SSH2: variants seen among roughly 807,000 people sequenced by gnomAD.
SSH2 encodes slingshot protein phosphatase 2.
In SSH2, 37 loss-of-function variants were observed where a neutral mutation model predicts 135.2. That is an observed-to-expected ratio of 0.27 (90% CI 0.21 to 0.36). The LOEUF is 0.36. Ranked by LOEUF, SSH2 falls within the 10% of genes least tolerant of loss-of-function variation. SSH2 has a pLI of 1.00. For missense variants in SSH2, 1,408 were observed against 1,765.3 expected, an observed-to-expected ratio of 0.80 and a Z score of 3.63; for synonymous variants, 628 against 646.2, an observed-to-expected ratio of 0.97 and a Z score of 0.43.
chr17:29,746,557 A>G (rs1015323402), intron 3 of SSH2, among the ~76,000 whole-genome samples: 2 of 144,900 alleles, frequency 1.4e-5, no homozygotes, highest in African/African-American at 4.9e-5. Context: ...CAAAAAAAAA[A>G]AAAAAAAAAA....
At chr17:29,842,139 G>GATGGGGT (rs112916281) in intron 2 of SSH2, among the ~76,000 whole-genome samples, 4 of 150,862 alleles carry the variant, frequency 2.7e-5, no homozygotes, top group Non-Finnish European at 4.4e-5. Flanking sequence ...TTTAACTGGA[G>GATGGGGT]GAGACCCTGT....
chr17:29,917,780 A>G (rs2066909330), intron 1 of SSH2, among the ~76,000 whole-genome samples: 1 of 151,914 alleles, frequency 6.6e-6, no homozygotes, highest in Non-Finnish European at 1.5e-5. Context: ...ACTTGAACTC[A>G]GGAAGCGGAG....
intron 3 of SSH2, among the ~76,000 whole-genome samples, chr17:29,750,427 A>G (rs993218590): frequency 6.8e-6 from 1 of 147,778 alleles, no homozygotes; most frequent in African/African-American, 2.5e-5. Context: ...CAACTGAGTG[A>G]GACTCTGTCT....
rs139762233 is a variant in SSH2, at chr17:29,667,299, G to A, written c.810-76C>T. ...TTATTCTTAAATGGGAAAGAAAGAA[G>A]AATGATCCTGTCTTCTTCAATAAGG... On this transcript the variant is annotated intron_variant, in intron 9 of 15. Coordinates refer to ENST00000540801, the MANE Select transcript of SSH2 (RefSeq NM_001282129.2). 1.4e-4 allele frequency: 151 copies of A among 1,105,878 alleles called. 1 individual carries two copies. In the East Asian group the frequency reaches 3.6e-3, roughly 26 times the overall value. 68.5% of individuals were successfully genotyped at this position (1,105,878 alleles called of 1,614,324 possible). A position where few individuals can be genotyped will look rare whatever the true frequency, so the allele number is the denominator to read the frequency against.
At chr17:29,670,182 C>T (rs1268304261) in intron 9 of SSH2, among the ~76,000 whole-genome samples, 1 of 152,066 alleles carries the variant, frequency 6.6e-6, no homozygotes, top group Non-Finnish European at 1.5e-5. Flanking sequence ...ACCCACCACG[C>T]CCGACTGTCT....
rs183809911 is a variant in SSH2 at position 29,800,127 on chromosome 17, C to T, written c.145-6190G>A. ...GAACAGTGTTTTTAACACAAGATCC[C>T]CAAATAATTTTTTCTTTCTTTATGT... On this transcript the variant is annotated intron_variant, in intron 2 of 15. Transcript: ENST00000540801. Among the ~76,000 whole-genome samples, 208 of 152,120 alleles carry T rather than the reference C, an allele frequency of 1.4e-3. 1 individual carries two copies. The highest frequency in any genetic ancestry group is 2.6e-3 in the Admixed American group (39 of 15,278).
chr17:29,742,492 T>TTG (rs2040597241), intron 3 of SSH2, among the ~76,000 whole-genome samples: 1 of 146,718 alleles, frequency 6.8e-6, no homozygotes, highest in African/African-American at 2.5e-5. Flanking sequence ...TTTTTTTTTT[T>TTG]TTTTTTTTCT....
chr17:29,725,347 CAAAAAAAAAA>C (rs11449000), intron 3 of SSH2, among the ~76,000 whole-genome samples: 1 of 52,786 alleles, frequency 1.9e-5, no homozygotes, highest in Non-Finnish European at 3.1e-5. Flanking sequence ...AATCAGTCTC[CAAAAAAAAAA>C]AAAAAAAAAA....
At chr17:29,757,364 T>A (rs1183588699) in intron 3 of SSH2, among the ~76,000 whole-genome samples, 1 of 152,310 alleles carries the variant, frequency 6.6e-6, no homozygotes, top group Non-Finnish European at 1.5e-5. Flanking sequence ...CTGAAGCCAA[T>A]CCATAGACCT....
chr17:29,753,952 A>G (rs1453358361), intron 3 of SSH2, among the ~76,000 whole-genome samples: 1 of 152,226 alleles, frequency 6.6e-6, no homozygotes, highest in Non-Finnish European at 1.5e-5. Flanking sequence ...AGATGTGTGT[A>G]TCAGGATTGT....
intron 2 of SSH2, among the ~76,000 whole-genome samples, chr17:29,808,727 AG>A (rs1332845429): frequency 4.6e-5 from 7 of 152,268 alleles, no homozygotes; most frequent in South Asian, 2.1e-4. Flanking sequence ...AGGTAAGGTG[AG>A]GCCACTAGAC....
intron 3 of SSH2, among the ~76,000 whole-genome samples, chr17:29,752,840 G>GA (rs36083993): frequency 0.14 from 19,659 of 141,282 alleles, 3,440 homozygotes; most frequent in African/African-American, 0.41. Context: ...TCAAATCACA[G>GA]AAAAAAAAAA....
chr17:29,857,820 T>A (rs544803196), intron 1 of SSH2, among the ~76,000 whole-genome samples: 1 of 152,332 alleles, frequency 6.6e-6, no homozygotes. Context: ...ATATTCACAC[T>A]GTTGTATAGT....
chr17:29,848,353 T>C (rs954613836), intron 2 of SSH2, among the ~76,000 whole-genome samples: 3 of 152,258 alleles, frequency 2.0e-5, no homozygotes, highest in Non-Finnish European at 4.4e-5. Flanking sequence ...ACATTTAAGA[T>C]GATCAGGTCG....
At chr17:29,765,711 C>T (rs192591200) in intron 3 of SSH2, among the ~76,000 whole-genome samples, 3 of 152,112 alleles carry the variant, frequency 2.0e-5, no homozygotes, top group South Asian at 2.1e-4. Flanking sequence ...GTTTACCTCA[C>T]GGGCTGATTA....
chr17:29,648,617 A>G (rs2036472394), intron 13 of SSH2, among the ~76,000 whole-genome samples: 1 of 152,216 alleles, frequency 6.6e-6, no homozygotes, highest in East Asian at 1.9e-4. Flanking sequence ...GTGTAAGGCA[A>G]TGTGCAAAGT....
At chr17:29,779,164 C>T (rs2041782347) in intron 3 of SSH2, among the ~76,000 whole-genome samples, 1 of 151,970 alleles carries the variant, frequency 6.6e-6, no homozygotes, top group South Asian at 2.1e-4. Flanking sequence ...TTAATTATGG[C>T]TGTGATAATC....
At chr17:29,779,668 A>C (rs2041793606) in intron 3 of SSH2, among the ~76,000 whole-genome samples, 1 of 151,184 alleles carries the variant, frequency 6.6e-6, no homozygotes, top group South Asian at 2.1e-4. Flanking sequence ...AAGTACAAAA[A>C]ATTAGCTGGG....
intron 2 of SSH2, among the ~76,000 whole-genome samples, chr17:29,827,041 A>T (rs2042758232): frequency 1.3e-5 from 2 of 152,214 alleles, no homozygotes; most frequent in South Asian, 4.1e-4. Flanking sequence ...AATTCCATAA[A>T]TATAAACCTA....
Sources: allele counts gnomAD v4.1 joint callset (sites outside exome capture counted in the v4.1 genomes callset), GRCh38; gene constraint gnomAD v4.1.1; transcripts MANE v1.5; gene names NCBI Gene and HGNC (gene_info 2026-07-23, HGNC 2026-07-21).